EDN1: variants seen among roughly 807,000 people sequenced by gnomAD.
EDN1 encodes the protein endothelin-1.
EDN1 carries 11 observed loss-of-function variants against 21.7 expected under a neutral mutation model. That is an observed-to-expected ratio of 0.51 (90% CI 0.32 to 0.84). The LOEUF (loss-of-function observed/expected upper bound fraction) is 0.84, where lower values mean the gene tolerates loss of function less well. EDN1 is among the 40% of genes least tolerant of loss of function. The pLI is 0.03. For synonymous variants in EDN1, 85 were observed against 90.6 expected (o/e 0.94, Z 0.35); for missense variants, 244 against 262.3 (o/e 0.93, Z 0.48).
the EDN1 span, among the ~76,000 whole-genome samples, chr6:12,249,129 T>C: frequency 6.6e-6 from 1 of 152,226 alleles, no homozygotes; most frequent in Non-Finnish European, 1.5e-5. Flanking sequence ...AGTTTTCGGG[T>C]GAGCCTCAGA....
the EDN1 span, among the ~76,000 whole-genome samples, chr6:12,283,434 T>C: frequency 1.3e-5 from 2 of 152,098 alleles, no homozygotes; most frequent in African/African-American, 4.8e-5. Context: ...TCTGTAAATA[T>C]CCAAGTCCAA....
At chr6:12,253,284 G>A in the EDN1 span, among the ~76,000 whole-genome samples, 2 of 152,306 alleles carry the variant, frequency 1.3e-5, no homozygotes, top group South Asian at 2.1e-4. Flanking sequence ...CACTTTTTCA[G>A]TAATATTTAT....
At chr6:12,238,484 T>C in the EDN1 span, among the ~76,000 whole-genome samples, 1 of 152,266 alleles carries the variant, frequency 6.6e-6, no homozygotes, top group African/African-American at 2.4e-5. Flanking sequence ...GTGACCTCTA[T>C]GCAATGAGGA....
At chr6:12,290,117 A>C (rs1344823529), upstream of EDN1, among the ~76,000 whole-genome samples, 1 of 152,156 alleles carries the variant, frequency 6.6e-6, no homozygotes, top group African/African-American at 2.4e-5. Flanking sequence ...GGGCAGGTTT[A>C]GCAAAGGTCT....
rs755556252 is a variant in EDN1, at chr6:12,292,423, G to A, written c.147G>A (p.Arg49=). 1.4e-5 allele frequency: 23 copies of A among 1,614,100 alleles called. No homozygotes were observed. The East Asian group carries it at 4.5e-4, about 31-fold the overall frequency. ...PTPSPPWRLR[R]SKRCSCSSLM... is the part of the protein sequence containing the mutation. ...CCAGTCCACCCTGGCGGCTCCGCCG[G>A]TCCAAGCGCTGCTCCTGCTCGTCCC... is the stretch of plus-strand genomic sequence containing the variant. Residue 49 remains arginine (R), a synonymous_variant, in exon 2 of 5, where the codon CGG becomes CGA. Transcript: ENST00000379375.
upstream of EDN1, among the ~76,000 whole-genome samples, chr6:12,286,640 G>A (rs1358150028): frequency 6.6e-6 from 1 of 152,134 alleles, no homozygotes; most frequent in African/African-American, 2.4e-5. Flanking sequence ...ATTTTATTAC[G>A]CAAAAGTTGA....
upstream of EDN1, among the ~76,000 whole-genome samples, chr6:12,285,854 C>T (rs1762552716): frequency 2.0e-5 from 3 of 152,074 alleles, no homozygotes; most frequent in Non-Finnish European, 4.4e-5. Context: ...GCCACCATGC[C>T]CAGCCAAACA....
the EDN1 span, among the ~76,000 whole-genome samples, chr6:12,265,210 C>G: frequency 6.6e-6 from 1 of 152,146 alleles, no homozygotes; most frequent in South Asian, 2.1e-4. Context: ...TGTACTATAC[C>G]TGTCCAATGC....
chr6:12,284,278 A>G, the EDN1 span, among the ~76,000 whole-genome samples: 1 of 152,214 alleles, frequency 6.6e-6, no homozygotes, highest in Non-Finnish European at 1.5e-5. Flanking sequence ...TCTCTGCCAA[A>G]GACCTTTTAT....
the EDN1 span, among the ~76,000 whole-genome samples, chr6:12,263,596 G>A: frequency 6.6e-6 from 1 of 152,022 alleles, no homozygotes; most frequent in Non-Finnish European, 1.5e-5. Context: ...GAGTTCTCAC[G>A]GAAAAACCTT....
the EDN1 span, among the ~76,000 whole-genome samples, chr6:12,247,545 T>C: frequency 3.5e-5 from 5 of 143,798 alleles, no homozygotes; most frequent in East Asian, 5.9e-4. Flanking sequence ...TCTTTTTTTT[T>C]TTTTTTTTTT....
the EDN1 span, among the ~76,000 whole-genome samples, chr6:12,258,448 T>TAAAAAAAAAAAAAAAAAAAAAAA: frequency 3.6e-5 from 1 of 27,734 alleles, no homozygotes; most frequent in African/African-American, 6.8e-5. Context: ...AGATCATGTC[T>TAAAAAAAAAAAAAAAAAAAAAAA]CAAAAAAAAA....
chr6:12,230,612 GA>G, the EDN1 span, among the ~76,000 whole-genome samples: 1 of 152,154 alleles, frequency 6.6e-6, no homozygotes, highest in East Asian at 1.9e-4. Context: ...TGGCAAAAAG[GA>G]CACCTGTTTA....
At chr6:12,266,899 A>T in the EDN1 span, among the ~76,000 whole-genome samples, 1 of 152,230 alleles carries the variant, frequency 6.6e-6, no homozygotes, top group Non-Finnish European at 1.5e-5. Flanking sequence ...CTCAGAACTT[A>T]AAAATTCTTT....
chr6:12,263,025 A>G, the EDN1 span, among the ~76,000 whole-genome samples: 4 of 152,182 alleles, frequency 2.6e-5, no homozygotes, highest in Admixed American at 1.3e-4. Flanking sequence ...CTGGGTAATT[A>G]TAAGGAGTCA....
the EDN1 span, among the ~76,000 whole-genome samples, chr6:12,262,372 G>C: frequency 6.6e-6 from 1 of 152,122 alleles, no homozygotes; most frequent in African/African-American, 2.4e-5. Context: ...GGAGCCTTCC[G>C]GGACTGTGTG....
chr6:12,274,199 A>G, the EDN1 span, among the ~76,000 whole-genome samples: 1 of 152,250 alleles, frequency 6.6e-6, no homozygotes. Flanking sequence ...AAACTTGAGT[A>G]GGAGATATAA....
At chr6:12,254,590 G>T in the EDN1 span, among the ~76,000 whole-genome samples, 1 of 152,094 alleles carries the variant, frequency 6.6e-6, no homozygotes, top group Non-Finnish European at 1.5e-5. Flanking sequence ...TATTTAAAAA[G>T]AAGTAAGAAT....
At chr6:12,243,623 A>AATAC in the EDN1 span, among the ~76,000 whole-genome samples, 4 of 152,320 alleles carry the variant, frequency 2.6e-5, no homozygotes, top group Non-Finnish European at 5.9e-5. Flanking sequence ...ATGCTGAATT[A>AATAC]ATACATACAT....
Sources: allele counts gnomAD v4.1 joint callset (sites outside exome capture counted in the v4.1 genomes callset), GRCh38; gene constraint gnomAD v4.1.1; transcripts MANE v1.5; gene names NCBI Gene and HGNC (gene_info 2026-07-23, HGNC 2026-07-21).